LRCH2: variants seen among roughly 807,000 people sequenced by gnomAD.
LRCH2 encodes leucine-rich repeat and calponin homology domain-containing protein 2.
LRCH2 carries 38 observed loss-of-function variants against 68.9 expected under a neutral mutation model. The observed-to-expected ratio is 0.55, with a 90% confidence interval of 0.43 to 0.72. LRCH2 has a LOEUF of 0.72. Among genes scored for constraint, LRCH2 ranks in the 30% least tolerant of loss-of-function variants. LRCH2 has a pLI of 0.00. For synonymous variants in LRCH2, 191 were observed against 208.1 expected, an observed-to-expected ratio of 0.92 and a Z score of 0.71; for missense variants, 528 against 572.9, an observed-to-expected ratio of 0.92 and a Z score of 0.80.
chrX:115,172,636 C>A (rs1556547893), intron 5 of LRCH2, among the ~76,000 whole-genome samples: 1 of 111,086 alleles, frequency 9.0e-6, no homozygotes. Flanking sequence ...TTAATGGCCC[C>A]ATTTTTTCTT....
At chrX:115,134,039 C>T (rs2843482) in intron 14 of LRCH2, among the ~76,000 whole-genome samples, 36,304 of 111,074 alleles carry the variant, frequency 0.33, 5,052 homozygotes, top group African/African-American at 0.54. Flanking sequence ...CCAGTGAACA[C>T]ACCAAAAATA....
chrX:115,165,903 T>C lies in LRCH2; in HGVS notation c.1136A>G (p.Asn379Ser). The C allele has an allele frequency of 8.6e-7, 1 of 1,168,309 alleles. No individual in the cohort carries two copies. Among genetic ancestry groups the C allele is most frequent in the Non-Finnish European group, 1.1e-6 (1 of 871,734 alleles). Residue 379 changes from asparagine to serine, a missense_variant, in exon 8 of 21, where the codon AAT becomes AGT. Transcript: ENST00000317135. ...GTCATTTCTTGATGTCTGCTCTCTA[T>C]TTGATTCTGAGACTTGAGAATGAAG... is the stretch of plus-strand genomic sequence containing the variant. ...VSLHSQVSES[N>S]REQTSRNDSH...
chrX:115,218,261 A>C (rs1467536078), intron 1 of LRCH2, among the ~76,000 whole-genome samples: 1 of 112,725 alleles, frequency 8.9e-6, no homozygotes, highest in African/African-American at 3.2e-5. Context: ...TGAAGTAACC[A>C]ATGGCAAAAC....
intron 3 of LRCH2, among the ~76,000 whole-genome samples, chrX:115,183,092 T>C (rs782332523): frequency 1.3e-4 from 14 of 108,173 alleles, no homozygotes; most frequent in Non-Finnish European, 2.7e-4. Context: ...ACACACAGAG[T>C]TGTCCACCAT....
At chrX:115,167,396 A>G (rs2072572069) in intron 6 of LRCH2, among the ~76,000 whole-genome samples, 1 of 108,171 alleles carries the variant, frequency 9.2e-6, no homozygotes. Flanking sequence ...ATGTGTTTAA[A>G]TGTTTTGAAG....
intron 15 of LRCH2, among the ~76,000 whole-genome samples, chrX:115,129,281 G>T (rs1282222702): frequency 1.8e-5 from 2 of 111,175 alleles, no homozygotes; most frequent in African/African-American, 6.5e-5. Flanking sequence ...ATATTTAAAG[G>T]GTAGGCTGGG....
chrX:115,180,402 C>T (rs1044925700), intron 3 of LRCH2, among the ~76,000 whole-genome samples: 5 of 109,900 alleles, frequency 4.5e-5, no homozygotes, highest in Non-Finnish European at 9.5e-5. Flanking sequence ...TAAAGGCAAA[C>T]GATATCAAGT....
chrX:115,231,359 T>A (rs192656493), intron 1 of LRCH2, among the ~76,000 whole-genome samples: 1 of 111,871 alleles, frequency 8.9e-6, no homozygotes, highest in East Asian at 2.8e-4. Flanking sequence ...TCAAACACAC[T>A]CTATTTTTCT....
At chrX:115,192,788 C>T in intron 1 of LRCH2, 2 of 600,431 alleles carry the variant, frequency 3.3e-6, no homozygotes, top group Non-Finnish European at 5.1e-6. Context: ...CATTTTTATG[C>T]TTTTGTGAGG....
chrX:115,191,896 G>A lies in LRCH2; in HGVS notation c.350-3526C>T, dbSNP rs781895062. ...CCCCTGCAGAGGAGGAGGCCGCTAC[G>A]AGGAGAACCGAGGTCACTCTCTCGA... On this transcript the variant is annotated intron_variant, in intron 1 of 20. Coordinates refer to ENST00000317135, the MANE Select transcript of LRCH2 (RefSeq NM_020871.4). 1.4e-5 allele frequency: 16 copies of A among 1,165,414 alleles called. No individual in the cohort carries two copies. Among genetic ancestry groups the A allele is most frequent in the Middle Eastern group, 2.3e-4 (1 of 4,299 alleles).
At chrX:115,156,389 A>T (rs189553958) in intron 12 of LRCH2, among the ~76,000 whole-genome samples, 1 of 111,658 alleles carries the variant, frequency 9.0e-6, no homozygotes, top group Admixed American at 9.5e-5. Flanking sequence ...CAAGACAAAA[A>T]TGCATCTATG....
At chrX:115,146,673 T>C (rs1257435105) in intron 14 of LRCH2, among the ~76,000 whole-genome samples, 4 of 110,386 alleles carry the variant, frequency 3.6e-5, no homozygotes, top group Admixed American at 9.8e-5. Flanking sequence ...AAATTTTATA[T>C]ACTAGAATAA....
At chrX:115,214,038 AAT>A (rs1556570727) in intron 1 of LRCH2, among the ~76,000 whole-genome samples, 1 of 112,085 alleles carries the variant, frequency 8.9e-6, no homozygotes, top group African/African-American at 3.2e-5. Flanking sequence ...ATATAGCAGA[AAT>A]ATGTCTTCAG....
chrX:115,123,917 A>G, intron 17 of LRCH2, 28 bp downstream of exon 17: 3 of 993,174 alleles, frequency 3.0e-6, no homozygotes, highest in Non-Finnish European at 2.7e-6. Flanking sequence ...TATAACTAAT[A>G]AATTTTATTT....
At chrX:115,192,509 G>A (rs781883884) in intron 1 of LRCH2, 86 of 1,168,702 alleles carry the variant, frequency 7.4e-5, no homozygotes, top group Non-Finnish European at 9.6e-5. Flanking sequence ...AGACCGGATC[G>A]TGGGCTCCCT....
At position 115,122,569 on chromosome X, in the gene LRCH2, T is replaced by C. The variant is rs2072152796; in HGVS notation, c.2136A>G (p.Val712=). 1.7e-6 allele frequency: 2 copies of C among 1,210,689 alleles called. No homozygotes were observed. Among genetic ancestry groups the C allele is most frequent in the Non-Finnish European group, 2.2e-6 (2 of 894,869 alleles). The change falls in exon 20 of 21, where the codon GTA becomes GTG. Residue 712 remains valine (V), a synonymous_variant. Transcript: ENST00000317135. ...KLSMAKCRRN[V]ENFLDACKKL... The stretch of plus-strand genomic sequence containing the variant: ...TTTTACAAGCATCAAGAAAATTTTC[T>C]ACATTTCTTCGACATTTTGCCATGC...
intron 12 of LRCH2, among the ~76,000 whole-genome samples, chrX:115,155,536 AAGG>A (rs1556539452): frequency 3.6e-5 from 4 of 111,878 alleles, no homozygotes; most frequent in African/African-American, 1.3e-4. Context: ...TTGAACAAAA[AAGG>A]AGGTTAGAAT....
intron 1 of LRCH2, chrX:115,198,753 C>A: frequency 8.1e-6 from 1 of 124,041 alleles, no homozygotes; most frequent in South Asian, 2.8e-4. Flanking sequence ...AGACTGAGCT[C>A]CCTGTCCTGT....
At chrX:115,177,777 A>G (rs182071433) in intron 5 of LRCH2, among the ~76,000 whole-genome samples, 109 of 109,974 alleles carry the variant, frequency 9.9e-4, no homozygotes, top group African/African-American at 3.5e-3. Context: ...ATTTGTCCCA[A>G]TGCTCTCCCT....
Sources: allele counts gnomAD v4.1 joint callset (sites outside exome capture counted in the v4.1 genomes callset), GRCh38; gene constraint gnomAD v4.1.1; transcripts MANE v1.5; gene names NCBI Gene and HGNC (gene_info 2026-07-23, HGNC 2026-07-21).